UHRF1: variants seen among roughly 807,000 people sequenced by gnomAD.
The protein encoded by UHRF1 is ubiquitin like with PHD and ring finger domains 1, also known as E3 ubiquitin-protein ligase UHRF1.
In UHRF1, 9 loss-of-function variants were observed where a neutral mutation model predicts 96.5. The ratio of observed to expected loss-of-function variants is 0.09; its 90% confidence interval spans 0.06 to 0.16. The LOEUF (loss-of-function observed/expected upper bound fraction) is 0.16. Ranked by LOEUF, UHRF1 falls within the 10% of genes least tolerant of loss-of-function variation. UHRF1 has a pLI of 1.00. For missense variants in UHRF1, 626 were observed against 1,131.1 expected (o/e 0.55, Z 6.40); for synonymous variants, 455 against 469.9 (o/e 0.97, Z 0.41).
intron 11 of UHRF1, 149 bp from the exon 12 acceptor site, chr19:4,950,462 T>A: frequency 1.3e-6 from 1 of 793,922 alleles, no homozygotes; most frequent in Non-Finnish European, 1.9e-6. Flanking sequence ...CAGGCTGGTC[T>A]CGAACTCCTG....
At chr19:4,943,643 C>CA (rs1316992584) in intron 7 of UHRF1, among the ~76,000 whole-genome samples, 1 of 151,884 alleles carries the variant, frequency 6.6e-6, no homozygotes, top group Non-Finnish European at 1.5e-5. Context: ...GGAAGGCCAA[C>CA]AGAGAACCTG....
Position 4,944,254 on chromosome 19 carries a change from A to G in UHRF1, c.1196A>G (p.Lys399Arg), listed in dbSNP as rs1326194764. The change falls in exon 8 of 17, where the codon AAG becomes AGG. Residue 399 changes from lysine (K) to arginine (R), a missense_variant and splice_region_variant. Coordinates refer to ENST00000650932, the MANE Select transcript of UHRF1 (RefSeq NM_001048201.3). ...ATSSSQRDWG[K>R]GMACVGRTKE... Reference sequence around the variant, plus strand: ...TCGTCCTCACAGCGGGACTGGGGCAAGGTGAGGCGGGTCCTTCCCACGTGC... The same window carrying G: ...TCGTCCTCACAGCGGGACTGGGGCAGGGTGAGGCGGGTCCTTCCCACGTGC... The G allele has an allele frequency of 1.2e-6, 2 of 1,614,024 alleles. No homozygotes were observed. The highest frequency in any genetic ancestry group is 8.5e-7 in the Non-Finnish European group (1 of 1,179,886).
At chr19:4,948,900 G>A (rs143618786) in intron 11 of UHRF1, among the ~76,000 whole-genome samples, 48 of 144,690 alleles carry the variant, frequency 3.3e-4, no homozygotes, top group African/African-American at 1.1e-3. Flanking sequence ...GAGGTGGGCG[G>A]ATCACGATGT....
At chr19:4,941,233 T>C (rs1568423569) in intron 5 of UHRF1, among the ~76,000 whole-genome samples, 1 of 151,320 alleles carries the variant, frequency 6.6e-6, no homozygotes, top group Non-Finnish European at 1.5e-5. Context: ...TGGGATTACA[T>C]GCGCGCTTCT....
intron 7 of UHRF1, among the ~76,000 whole-genome samples, chr19:4,942,965 T>C (rs10451476): frequency 0.47 from 71,501 of 151,106 alleles, 17,803 homozygotes; most frequent in East Asian, 0.68. Flanking sequence ...TGAGGTCAGG[T>C]GCAGTGGCTC....
intron 15 of UHRF1, among the ~76,000 whole-genome samples, 184 bp downstream of exon 15, chr19:4,955,006 C>A (rs186212356): frequency 6.6e-6 from 1 of 152,102 alleles, no homozygotes; most frequent in Non-Finnish European, 1.5e-5. Context: ...CAGACTGAAA[C>A]CCTGGCCCTG....
chr19:4,910,811 AG>A (rs2032238654), intron 1 of UHRF1, 64 bp from the exon 2 acceptor site: 2 of 1,514,826 alleles, frequency 1.3e-6, no homozygotes, highest in Non-Finnish European at 1.8e-6. Context: ...CCGACTCCTT[AG>A]AGCATGGCAT....
intron 2 of UHRF1, among the ~76,000 whole-genome samples, chr19:4,922,540 T>C (rs1406033033): frequency 6.6e-6 from 1 of 152,222 alleles, no homozygotes; most frequent in Non-Finnish European, 1.5e-5. Flanking sequence ...AGTGCTGGGA[T>C]TACAGGCGTG....
chr19:4,946,303 C>G lies in UHRF1; in HGVS notation c.1410+338C>G, dbSNP rs538255301. Reference sequence around the variant, plus strand: ...CTGCGTCCTTGCATGCCTGGCTCCTCTCACTGAGCCCGACGTCCTTGCTTT... The same window carrying G: ...CTGCGTCCTTGCATGCCTGGCTCCTGTCACTGAGCCCGACGTCCTTGCTTT... On this transcript the variant is annotated intron_variant, in intron 10 of 16. Transcript: ENST00000650932. 7.9e-4 allele frequency among the ~76,000 whole-genome samples: 120 copies of G among 152,238 alleles called. 1 individual carries two copies. The highest frequency in any genetic ancestry group is 2.4e-3 in the African/African-American group (99 of 41,552).
At chr19:4,950,243 TA>T (rs903976500) in intron 11 of UHRF1, among the ~76,000 whole-genome samples, 2 of 142,800 alleles carry the variant, frequency 1.4e-5, no homozygotes, top group Non-Finnish European at 3.1e-5. Flanking sequence ...TTTGAAATAT[TA>T]AATTTTTTTT....
At chr19:4,909,841 G>A (rs1006708779) in intron 1 of UHRF1, 186 bp downstream of exon 1, 7 of 402,104 alleles carry the variant, frequency 1.7e-5, no homozygotes, top group African/African-American at 4.2e-5. Flanking sequence ...GGCTGGAGCC[G>A]GGACCAGCGC....
rs771726839 is a variant in UHRF1 at position 4,944,340 on chromosome 19, C to T, written c.1198-3C>T. 7.4e-6 allele frequency: 12 copies of T among 1,614,048 alleles called. No individual in the cohort carries two copies. Among genetic ancestry groups the T allele is most frequent in the Non-Finnish European group, 1.0e-5 (12 of 1,179,898 alleles). ...TTGTTCTTTGTGTCTGTGCCTGGGA[C>T]AGGGCATGGCCTGTGTGGGCCGCAC... On this transcript the variant is annotated splice_region_variant and splice_polypyrimidine_tract_variant and intron_variant, in intron 8 of 16. Coordinates refer to ENST00000650932, the MANE Select transcript of UHRF1 (RefSeq NM_001048201.3).
At chr19:4,922,530 A>G (rs2032734507) in intron 2 of UHRF1, among the ~76,000 whole-genome samples, 1 of 152,140 alleles carries the variant, frequency 6.6e-6, no homozygotes, top group Non-Finnish European at 1.5e-5. Flanking sequence ...GGCCTCCCCA[A>G]GTGCTGGGAT....
chr19:4,934,728 C>T (rs904115851), intron 5 of UHRF1, among the ~76,000 whole-genome samples: 7 of 152,148 alleles, frequency 4.6e-5, no homozygotes, highest in Non-Finnish European at 7.3e-5. Flanking sequence ...ACAGCAAGCA[C>T]GCAGAGGTCC....
chr19:4,942,281 C>T (rs1276009392), intron 7 of UHRF1, among the ~76,000 whole-genome samples: 1 of 152,034 alleles, frequency 6.6e-6, no homozygotes, highest in African/African-American at 2.4e-5. Flanking sequence ...AGCTCCGCCT[C>T]TCGGGTTCAC....
chr19:4,906,732 A>G (rs2032071432), upstream of UHRF1, among the ~76,000 whole-genome samples: 2 of 152,220 alleles, frequency 1.3e-5, no homozygotes, highest in African/African-American at 4.8e-5. Flanking sequence ...CAGGCTGGGC[A>G]CCAAAGCAAG....
intron 16 of UHRF1, among the ~76,000 whole-genome samples, chr19:4,957,932 G>A (rs2033900697): frequency 6.6e-6 from 1 of 152,212 alleles, no homozygotes; most frequent in African/African-American, 2.4e-5. Context: ...GGAAGGGACT[G>A]ACCCTGCCAC....
chr19:4,931,008 C>A, intron 4 of UHRF1, 132 bp downstream of exon 4: 1 of 1,256,842 alleles, frequency 8.0e-7, no homozygotes, highest in South Asian at 1.4e-5. Flanking sequence ...TCCTCGAATT[C>A]CTAACAGCAT....
rs759193721 is a variant in UHRF1 at position 4,932,858 on chromosome 19, C to T, written c.687C>T (p.Pro229=). 49 of 1,613,796 alleles carry T rather than the reference C, an allele frequency of 3.0e-5. No homozygotes were observed. Among genetic ancestry groups the T allele is most frequent in the Admixed American group, 8.3e-5 (5 of 60,006 alleles). Residue 229 remains proline, a synonymous_variant, in exon 5 of 17, where the codon CCC becomes CCT. Transcript: ENST00000650932. ...VGQVVMLNYN[P]DNPKERGFWY... ...AGGTGGTCATGCTCAACTACAACCC[C>T]GACAACCCCAAGGAGCGGGGCTTCT...
Sources: allele counts gnomAD v4.1 joint callset (sites outside exome capture counted in the v4.1 genomes callset), GRCh38; gene constraint gnomAD v4.1.1; transcripts MANE v1.5; gene names NCBI Gene and HGNC (gene_info 2026-07-23, HGNC 2026-07-21).